Variants in DLGAP1 observed in about 807,000 individuals in gnomAD.
DLGAP1 encodes the protein disks large-associated protein 1.
Under a neutral mutation model 90.8 loss-of-function variants are expected in DLGAP1, and 11 were observed. That is an observed-to-expected ratio of 0.12 (90% CI 0.08 to 0.20). DLGAP1 has a LOEUF of 0.20. DLGAP1 is among the 10% of genes least tolerant of loss of function. The probability of loss-of-function intolerance (pLI) is 1.00; values close to 1 mark genes in which losing one functional copy is unlikely to be tolerated. For missense variants in DLGAP1, 1,050 were observed against 1,333.8 expected (o/e 0.79, Z 3.31); for synonymous variants, 558 against 540.7 (o/e 1.03, Z -0.44).
intron 3 of DLGAP1, among the ~76,000 whole-genome samples, chr18:3,982,593 C>T (rs1053488102): frequency 2.0e-5 from 3 of 152,134 alleles, no homozygotes; most frequent in African/African-American, 4.8e-5. Context: ...ATGGGATAGC[C>T]TGTGATCAGT....
At chr18:3,906,522 A>G (rs1285016341) in intron 3 of DLGAP1, among the ~76,000 whole-genome samples, 1 of 152,202 alleles carries the variant, frequency 6.6e-6, no homozygotes, top group East Asian at 1.9e-4. Context: ...GCTTTTCTAG[A>G]CGTTTCCTCA....
At chr18:3,735,136 G>C (rs1397953574) in intron 6 of DLGAP1, among the ~76,000 whole-genome samples, 1 of 152,122 alleles carries the variant, frequency 6.6e-6, no homozygotes, top group Admixed American at 6.5e-5. Flanking sequence ...AATTCTCTGA[G>C]CTTCACTTTC....
chr18:4,405,749 C>T (rs538099937), intron 1 of DLGAP1, among the ~76,000 whole-genome samples: 2 of 152,264 alleles, frequency 1.3e-5, no homozygotes, highest in African/African-American at 4.8e-5. Flanking sequence ...CCAGGGAGTT[C>T]ACTTAAAACA....
chr18:4,121,417 A>G (rs2076151325), intron 2 of DLGAP1, among the ~76,000 whole-genome samples: 1 of 151,998 alleles, frequency 6.6e-6, no homozygotes, highest in Non-Finnish European at 1.5e-5. Context: ...TGTAAAATCT[A>G]CTTTTAGCAA....
chr18:3,689,207 TAA>T (rs1445033636), intron 7 of DLGAP1, among the ~76,000 whole-genome samples: 1 of 152,252 alleles, frequency 6.6e-6, no homozygotes, highest in Non-Finnish European at 1.5e-5. Flanking sequence ...TGGAAGAATT[TAA>T]AGTCACTTAT....
intron 3 of DLGAP1, among the ~76,000 whole-genome samples, chr18:3,975,766 T>C (rs1446069105): frequency 6.6e-6 from 1 of 152,124 alleles, no homozygotes; most frequent in Non-Finnish European, 1.5e-5. Flanking sequence ...TTCTGACACA[T>C]CCTACGACAT....
At chr18:4,078,324 A>T (rs1415614975) in intron 2 of DLGAP1, among the ~76,000 whole-genome samples, 1 of 152,210 alleles carries the variant, frequency 6.6e-6, no homozygotes, top group Non-Finnish European at 1.5e-5. Context: ...AAAACCCTTG[A>T]CACATTTTCA....
chr18:3,741,115 C>CACCAT (rs1568048539), intron 6 of DLGAP1, among the ~76,000 whole-genome samples: 12 of 92,558 alleles, frequency 1.3e-4, no homozygotes, highest in African/African-American at 4.8e-4. Flanking sequence ...ACCATCACCA[C>CACCAT]CACCATCACC....
At chr18:3,520,479 C>T (rs1435110129) in intron 10 of DLGAP1, among the ~76,000 whole-genome samples, 1 of 152,200 alleles carries the variant, frequency 6.6e-6, no homozygotes, top group Non-Finnish European at 1.5e-5. Flanking sequence ...CAGAATGTGA[C>T]TCTGGAGATA....
At chr18:3,678,711 C>T (rs540810727) in intron 7 of DLGAP1, among the ~76,000 whole-genome samples, 8 of 152,284 alleles carry the variant, frequency 5.3e-5, no homozygotes, top group African/African-American at 1.9e-4. Flanking sequence ...CAACTTAATT[C>T]TCAAATTTTA....
At chr18:3,974,863 T>A (rs950194882) in intron 3 of DLGAP1, among the ~76,000 whole-genome samples, 2 of 151,930 alleles carry the variant, frequency 1.3e-5, no homozygotes, top group Non-Finnish European at 2.9e-5. Flanking sequence ...AATCCTGTCA[T>A]ATAGTACAAC....
chr18:4,296,452 A>G (rs1339257522), intron 1 of DLGAP1, among the ~76,000 whole-genome samples: 1 of 152,210 alleles, frequency 6.6e-6, no homozygotes, highest in African/African-American at 2.4e-5. Context: ...TAGACCACTC[A>G]AATGAACCAC....
At position 3,662,309 on chromosome 18, in the gene DLGAP1, T is replaced by C. The variant is rs374524493; in HGVS notation, c.1591+66826A>G. Among the ~76,000 whole-genome samples the C allele has an allele frequency of 1.5e-4, 23 of 152,274 alleles. No homozygotes were observed. The South Asian group carries it at 4.6e-3, about 30-fold the overall frequency. On this transcript the variant is annotated intron_variant, in intron 7 of 12. Coordinates refer to ENST00000315677, the MANE Select transcript of DLGAP1 (RefSeq NM_004746.4). ...ACCTTTTAATGACTGTAGAAATATT[T>C]AAGGATGTACCTCATAGAGTTTCCA...
chr18:4,149,069 C>T (rs114828238), intron 2 of DLGAP1, among the ~76,000 whole-genome samples: 3,020 of 152,184 alleles, frequency 0.02, 50 homozygotes, highest in Middle Eastern at 0.048. Context: ...ATAGGAAAGA[C>T]AAAAATTAAA....
At chr18:4,450,737 C>T (rs16946851) in intron 1 of DLGAP1, among the ~76,000 whole-genome samples, 19,473 of 152,160 alleles carry the variant, frequency 0.13, 1,413 homozygotes, top group South Asian at 0.22. Flanking sequence ...TGAGAGAAGA[C>T]AGAGAAATTG....
intron 7 of DLGAP1, among the ~76,000 whole-genome samples, chr18:3,680,970 G>GCTTC: frequency 6.6e-6 from 1 of 152,248 alleles, no homozygotes; most frequent in South Asian, 2.1e-4. Context: ...GGCTAAGAAG[G>GCTTC]CTTCCTCCCA....
intron 1 of DLGAP1, among the ~76,000 whole-genome samples, chr18:4,240,909 T>G (rs937845958): frequency 6.6e-6 from 1 of 152,222 alleles, no homozygotes; most frequent in Non-Finnish European, 1.5e-5. Context: ...TAAATGATGA[T>G]GGAAAACAAA....
chr18:3,726,265 C>A (rs2062174088), intron 7 of DLGAP1, among the ~76,000 whole-genome samples: 1 of 152,164 alleles, frequency 6.6e-6, no homozygotes, highest in African/African-American at 2.4e-5. Flanking sequence ...AGTCATTTCT[C>A]AATTTTCATA....
intron 1 of DLGAP1, among the ~76,000 whole-genome samples, chr18:4,171,394 T>A (rs2077022126): frequency 1.3e-5 from 2 of 150,968 alleles, no homozygotes; most frequent in Non-Finnish European, 3.0e-5. Flanking sequence ...AATTAGCCCA[T>A]CTCTACTAAA....
Sources: allele counts gnomAD v4.1 joint callset (sites outside exome capture counted in the v4.1 genomes callset), GRCh38; gene constraint gnomAD v4.1.1; transcripts MANE v1.5; gene names NCBI Gene and HGNC (gene_info 2026-07-23, HGNC 2026-07-21).